Variants in SVIL observed in about 807,000 individuals in gnomAD.
SVIL encodes the protein archvillin.
A neutral mutation model predicts 240.4 loss-of-function variants in SVIL; 101 were observed. The observed-to-expected ratio is 0.42, with a 90% CI of 0.36 to 0.50. SVIL has a LOEUF of 0.50. Ranked by LOEUF, SVIL falls within the 20% of genes least tolerant of loss-of-function variation. The probability of loss-of-function intolerance (pLI) is 0.01; values close to 1 mark genes in which losing one functional copy is unlikely to be tolerated. For synonymous variants in SVIL, 999 were observed against 1,100.0 expected (o/e 0.91, Z 1.82); for missense variants, 2,512 against 2,818.7 (o/e 0.89, Z 2.46).
intron 17 of SVIL, among the ~76,000 whole-genome samples, chr10:29,500,583 C>T (rs1321037147): frequency 1.3e-5 from 2 of 152,156 alleles, no homozygotes; most frequent in Non-Finnish European, 2.9e-5. Flanking sequence ...CACTCCACAC[C>T]TTCTTCTAGG....
intron 1 of SVIL, among the ~76,000 whole-genome samples, chr10:29,721,395 T>A (rs552733108): frequency 5.3e-5 from 8 of 152,030 alleles, no homozygotes; most frequent in Admixed American, 4.6e-4. Flanking sequence ...ACGTAAGTAA[T>A]CTAAATATAC....
At chr10:29,563,793 C>T (rs1977386) in intron 2 of SVIL, among the ~76,000 whole-genome samples, 6 of 152,120 alleles carry the variant, frequency 3.9e-5, no homozygotes, top group Admixed American at 3.3e-4. Context: ...CATGAAGACT[C>T]GTGTTGGAAT....
intron 1 of SVIL, among the ~76,000 whole-genome samples, chr10:29,731,594 A>G (rs1054668313): frequency 6.6e-6 from 1 of 152,228 alleles, no homozygotes; most frequent in Non-Finnish European, 1.5e-5. Flanking sequence ...TGAAATATAA[A>G]AGCAGCCTAA....
chr10:29,696,670 TC>T (rs1962047154), intron 1 of SVIL, among the ~76,000 whole-genome samples: 1 of 148,372 alleles, frequency 6.7e-6, no homozygotes, highest in Non-Finnish European at 1.5e-5. Flanking sequence ...GAGGAGTGTC[TC>T]TGCCCGGCCG....
intron 2 of SVIL, among the ~76,000 whole-genome samples, chr10:29,662,070 C>A (rs1959168888): frequency 6.6e-6 from 1 of 152,184 alleles, no homozygotes; most frequent in Admixed American, 6.5e-5. Context: ...GCCAACAACC[C>A]CCACTGCAGA....
At chr10:29,619,907 G>A (rs534076561) in intron 1 of SVIL, among the ~76,000 whole-genome samples, 19 of 151,800 alleles carry the variant, frequency 1.3e-4, no homozygotes, top group African/African-American at 2.2e-4. Context: ...TGGATGTTAC[G>A]CATACATAGG....
At chr10:29,500,478 A>G (rs1948793308) in intron 17 of SVIL, among the ~76,000 whole-genome samples, 1 of 152,064 alleles carries the variant, frequency 6.6e-6, no homozygotes, top group East Asian at 1.9e-4. Flanking sequence ...GAGGCCGGTG[A>G]TGGCCTCCTG....
chr10:29,597,897 G>A (rs1956659342), intron 1 of SVIL, among the ~76,000 whole-genome samples: 1 of 151,890 alleles, frequency 6.6e-6, no homozygotes, highest in Admixed American at 6.6e-5. Flanking sequence ...AAAACAACAG[G>A]GCTTGTGACA....
chr10:29,491,726 C>T (rs1300501961), intron 21 of SVIL, among the ~76,000 whole-genome samples: 2 of 152,150 alleles, frequency 1.3e-5, no homozygotes, highest in Non-Finnish European at 2.9e-5. Flanking sequence ...CCTCCAGCTG[C>T]GCGGGCCTCT....
chr10:29,505,241 G>A (rs190300218), intron 17 of SVIL, among the ~76,000 whole-genome samples: 549 of 152,222 alleles, frequency 3.6e-3, no homozygotes, highest in African/African-American at 0.012. Context: ...CAGGAGAATC[G>A]CTTGAACCCG....
chr10:29,508,630 C>T, intron 17 of SVIL: 1 of 351,676 alleles, frequency 2.8e-6, no homozygotes, highest in South Asian at 2.1e-5. Context: ...TTTAAAGTGA[C>T]TTCATTCTCC....
chr10:29,593,538 A>C (rs1956470091), intron 1 of SVIL, among the ~76,000 whole-genome samples: 1 of 152,198 alleles, frequency 6.6e-6, no homozygotes, highest in Non-Finnish European at 1.5e-5. Flanking sequence ...AAACATGAAC[A>C]GGGTGGTTAT....
In SVIL at chr10:29,522,436, G is replaced by C; in HGVS notation, c.3363C>G (p.Pro1121=). The C allele has an allele frequency of 6.2e-7, 1 of 1,613,992 alleles. No individual in the cohort carries two copies. The highest frequency in any genetic ancestry group is 8.5e-7 in the Non-Finnish European group (1 of 1,180,020). The change falls in exon 16 of 38, where the codon CCC becomes CCG. Residue 1121 remains proline, a synonymous_variant. Transcript: ENST00000355867. ...TPTGEGLLDS[P]SKTMSIKERL... The stretch of plus-strand genomic sequence containing the variant: ...TTTCTTTAATAGACATGGTTTTGCT[G>C]GGTGAGTCAAGAAGGCCCTCCCCTG...
At chr10:29,660,767 A>T (rs1959134257) in intron 2 of SVIL, among the ~76,000 whole-genome samples, 1 of 152,186 alleles carries the variant, frequency 6.6e-6, no homozygotes, top group African/African-American at 2.4e-5. Flanking sequence ...TGGGCTCTCA[A>T]ACTCATAGTG....
At chr10:29,657,608 G>T (rs1242987846) in intron 3 of SVIL, among the ~76,000 whole-genome samples, 1 of 152,044 alleles carries the variant, frequency 6.6e-6, no homozygotes, top group South Asian at 2.1e-4. Context: ...CCTATGTAAA[G>T]GTCCTATCTA....
At chr10:29,614,907 C>G (rs144241349) in intron 1 of SVIL, among the ~76,000 whole-genome samples, 8 of 152,284 alleles carry the variant, frequency 5.3e-5, no homozygotes, top group African/African-American at 1.9e-4. Flanking sequence ...GCCCATGCTG[C>G]AAGTGGCGCT....
intron 1 of SVIL, among the ~76,000 whole-genome samples, chr10:29,691,523 A>G (rs1365526724): frequency 6.6e-6 from 1 of 152,166 alleles, no homozygotes; most frequent in Non-Finnish European, 1.5e-5. Flanking sequence ...AATAATGAAT[A>G]ATTTTTAAAG....
rs917943653 is a variant in SVIL at position 29,488,529 on chromosome 10, A to G, written c.4348+72T>C. The G allele has an allele frequency of 1.7e-5, 25 of 1,431,292 alleles. No individual in the cohort carries two copies. The African/African-American group carries it at 3.4e-4, about 19-fold the overall frequency. The allele number at this position is 1,431,292 out of a possible 1,614,324, so 88.7% of individuals were successfully genotyped here. ...TCCCGGCACAGGCAATGAATTACAGAGTCAGGACTCCGTATGGGACCAGAC... is the reference window on the plus strand; with the variant it reads ...TCCCGGCACAGGCAATGAATTACAGGGTCAGGACTCCGTATGGGACCAGAC... On this transcript the variant is annotated intron_variant, in intron 23 of 37. Coordinates refer to ENST00000355867, the MANE Select transcript of SVIL (RefSeq NM_021738.3).
At chr10:29,672,269 G>A (rs1959839007) in intron 2 of SVIL, among the ~76,000 whole-genome samples, 1 of 152,132 alleles carries the variant, frequency 6.6e-6, no homozygotes, top group African/African-American at 2.4e-5. Flanking sequence ...AAGACTGTAT[G>A]GTCCACAAAA....
Sources: allele counts gnomAD v4.1 joint callset (sites outside exome capture counted in the v4.1 genomes callset), GRCh38; gene constraint gnomAD v4.1.1; transcripts MANE v1.5; gene names NCBI Gene and HGNC (gene_info 2026-07-23, HGNC 2026-07-21).